The following LNP1 variants were observed in gnomAD, a reference collection of about 807,000 sequenced individuals.
LNP1 encodes leukemia NUP98 fusion partner 1.
In LNP1, 12 loss-of-function variants were observed where a neutral mutation model predicts 14.5. That is an observed-to-expected ratio of 0.83 (90% CI 0.53 to 1.34). The LOEUF is 1.34. LNP1 is among the 40% of genes most tolerant of loss of function. The probability of loss-of-function intolerance (pLI) is 0.00; values close to 1 mark genes in which losing one functional copy is unlikely to be tolerated. For missense variants in LNP1, 198 were observed against 210.9 expected (o/e 0.94, Z 0.38); for synonymous variants, 75 against 71.4 (o/e 1.05, Z -0.26).
intron 1 of LNP1, among the ~76,000 whole-genome samples, chr3:100,404,930 C>G (rs1706948848): frequency 6.6e-6 from 1 of 151,632 alleles, no homozygotes; most frequent in Non-Finnish European, 1.5e-5. Context: ...GTAGCTGGGA[C>G]TACTGGCGCC....
At chr3:100,427,718 G>C (rs1314449088) in intron 1 of LNP1, among the ~76,000 whole-genome samples, 1 of 152,296 alleles carries the variant, frequency 6.6e-6, no homozygotes, top group South Asian at 2.1e-4. Context: ...GTAAAACTGA[G>C]AAAGAAAATG....
intron 1 of LNP1, among the ~76,000 whole-genome samples, chr3:100,429,108 A>G (rs1421711049): frequency 2.0e-5 from 3 of 152,212 alleles, no homozygotes; most frequent in Non-Finnish European, 2.9e-5. Flanking sequence ...GTACTTGTAT[A>G]TTATTTACAT....
At chr3:100,419,788 C>G (rs181578641) in intron 1 of LNP1, among the ~76,000 whole-genome samples, 41 of 152,114 alleles carry the variant, frequency 2.7e-4, no homozygotes. Flanking sequence ...TTTTACGCAG[C>G]ATAGTTCTCT....
rs1225139929 is a variant in LNP1, at chr3:100,406,794, A to G, written c.-34+4355A>G. On this transcript the variant is annotated intron_variant, in intron 1 of 3. Transcript: ENST00000383693. ...ATGATCCGCCTGCCTCAGCCTCCCA[A>G]AGTGCTGGGATTACAGGCATGAGCC... Among the ~76,000 whole-genome samples, 6 of 152,248 alleles carry G rather than the reference A, an allele frequency of 3.9e-5. No homozygotes were observed. In the East Asian group the frequency reaches 1.2e-3, roughly 29 times the overall value.
chr3:100,410,662 G>A (rs879392529), intron 1 of LNP1, among the ~76,000 whole-genome samples: 12 of 152,192 alleles, frequency 7.9e-5, no homozygotes, highest in Non-Finnish European at 1.6e-4. Flanking sequence ...CAGAAGCCAA[G>A]AATAGAGATG....
chr3:100,450,864 G>A (rs1707430866), intron 2 of LNP1, among the ~76,000 whole-genome samples: 2 of 152,026 alleles, frequency 1.3e-5, no homozygotes, highest in Non-Finnish European at 1.5e-5. Flanking sequence ...TTCCTTGTTG[G>A]AAGCAAGTAA....
chr3:100,431,943 G>A (rs191036329), intron 2 of LNP1, among the ~76,000 whole-genome samples: 9 of 138,512 alleles, frequency 6.5e-5, no homozygotes, highest in Non-Finnish European at 9.2e-5. Flanking sequence ...TGCAGTGAAC[G>A]GTGAACATGC....
chr3:100,445,351 C>T (rs1388703595), intron 2 of LNP1, among the ~76,000 whole-genome samples: 9 of 152,292 alleles, frequency 5.9e-5, no homozygotes, highest in African/African-American at 1.9e-4. Context: ...TCTTCCTTGA[C>T]AGTCCCCAGG....
rs957879256 is a variant in LNP1 at position 100,456,011 on chromosome 3, G to T, written c.*85G>T. The T allele has an allele frequency of 2.7e-6, 4 of 1,455,322 alleles. No homozygotes were observed. The highest frequency in any genetic ancestry group is 3.7e-6 in the Non-Finnish European group (4 of 1,072,164). 90.2% of individuals were successfully genotyped at this position (1,455,322 alleles called of 1,614,324 possible). A position where few individuals can be genotyped will look rare whatever the true frequency, so the allele number is the denominator to read the frequency against. ...CAATTCACCATTTCAGGATGTGGAT[G>T]GGGGCGGGGTTGGGGGTAAAAACAG... On this transcript the variant is annotated 3_prime_UTR_variant, in exon 4 of 4. Transcript: ENST00000383693.
At chr3:100,437,466 A>G (rs1281060622) in intron 2 of LNP1, among the ~76,000 whole-genome samples, 1 of 152,196 alleles carries the variant, frequency 6.6e-6, no homozygotes, top group Non-Finnish European at 1.5e-5. Context: ...CATTTCCCCA[A>G]TTAAAAAAAG....
At chr3:100,421,834 G>A (rs1707145966) in intron 1 of LNP1, among the ~76,000 whole-genome samples, 1 of 152,098 alleles carries the variant, frequency 6.6e-6, no homozygotes. Context: ...AGAATGTTAT[G>A]GAGGTTCAAG....
chr3:100,410,148 G>T (rs1282863587), intron 1 of LNP1, among the ~76,000 whole-genome samples: 1 of 152,166 alleles, frequency 6.6e-6, no homozygotes, highest in Non-Finnish European at 1.5e-5. Flanking sequence ...CAGGCTGGAA[G>T]ATTTTTGAGG....
Position 100,429,861 on chromosome 3 carries a change from C to A in LNP1, c.132C>A (p.His44Gln). 1 of 1,613,852 alleles carries A rather than the reference C, an allele frequency of 6.2e-7. No individual in the cohort carries two copies. The highest frequency in any genetic ancestry group is 8.5e-7 in the Non-Finnish European group (1 of 1,179,894). The part of the protein sequence containing the change: ...RERHRLQATS[H>Q]RKTSLPCPLP... ...GCCACCGACTGCAAGCCACCAGTCA[C>A]AGGAAAACCTCCCTGCCCTGCCCAG... Residue 44 changes from histidine (H) to glutamine (Q), a missense_variant, in exon 2 of 4, where the codon CAC becomes CAA. Coordinates refer to ENST00000383693, the MANE Select transcript of LNP1 (RefSeq NM_001085451.2).
intron 1 of LNP1, among the ~76,000 whole-genome samples, chr3:100,419,877 A>G (rs1181860453): frequency 6.6e-6 from 1 of 152,128 alleles, no homozygotes; most frequent in Admixed American, 6.5e-5. Context: ...TAATTTCTCT[A>G]GGATAATTGC....
chr3:100,437,079 C>T (rs1707300179), intron 2 of LNP1, among the ~76,000 whole-genome samples: 1 of 152,172 alleles, frequency 6.6e-6, no homozygotes, highest in Non-Finnish European at 1.5e-5. Flanking sequence ...AGCTACTCAG[C>T]CTATGGTATT....
intron 1 of LNP1, among the ~76,000 whole-genome samples, chr3:100,416,249 A>C (rs924543989): frequency 1.3e-5 from 2 of 152,162 alleles, no homozygotes; most frequent in Non-Finnish European, 2.9e-5. Flanking sequence ...TGAAATTCAA[A>C]CTGTTCCATC....
At chr3:100,409,155 C>T (rs1334811557) in intron 1 of LNP1, among the ~76,000 whole-genome samples, 2 of 152,124 alleles carry the variant, frequency 1.3e-5, no homozygotes, top group African/African-American at 4.8e-5. Context: ...ACTTGACCCA[C>T]TGATGAATAA....
intron 1 of LNP1, among the ~76,000 whole-genome samples, chr3:100,409,290 C>CT (rs1707001393): frequency 6.6e-6 from 1 of 152,074 alleles, no homozygotes; most frequent in Non-Finnish European, 1.5e-5. Flanking sequence ...TGAAAAGATA[C>CT]TATCAGCTCT....
intron 1 of LNP1, among the ~76,000 whole-genome samples, chr3:100,408,842 A>C (rs1261888507): frequency 6.6e-6 from 1 of 152,206 alleles, no homozygotes; most frequent in Non-Finnish European, 1.5e-5. Flanking sequence ...TGGGTAATGT[A>C]AAACTGTTCT....
Sources: allele counts gnomAD v4.1 joint callset (sites outside exome capture counted in the v4.1 genomes callset), GRCh38; gene constraint gnomAD v4.1.1; transcripts MANE v1.5; gene names NCBI Gene and HGNC (gene_info 2026-07-23, HGNC 2026-07-21).